NCKAP1: variants seen among roughly 807,000 people sequenced by gnomAD.
NCKAP1 encodes NCK associated protein 1.
In NCKAP1, 21 loss-of-function variants were observed where a neutral mutation model predicts 151.2. That is an observed-to-expected ratio of 0.14 (90% CI 0.10 to 0.20). The LOEUF is 0.20. Among genes scored for constraint, NCKAP1 ranks in the 10% least tolerant of loss-of-function variants. NCKAP1 has a pLI of 1.00. For synonymous variants in NCKAP1, 484 were observed against 451.8 expected (o/e 1.07, Z -0.90); for missense variants, 933 against 1,352.1 (o/e 0.69, Z 4.86).
At chr2:182,981,154 T>C in intron 13 of NCKAP1, 90 bp downstream of exon 13, 1 of 1,460,244 alleles carries the variant, frequency 6.8e-7, no homozygotes, top group South Asian at 1.3e-5. Flanking sequence ...GCACATGATA[T>C]TTCATAAATG....
rs150818463 is a variant in NCKAP1 at position 183,014,077 on chromosome 2, T to C, written c.219+9729A>G. Among the ~76,000 whole-genome samples, 543 of 152,366 alleles carry C rather than the reference T, an allele frequency of 3.6e-3. 5 individuals are homozygous for C. The East Asian group carries it at 0.04, about 11-fold the overall frequency. ...TCCTAGAACTCTTTACCTGGTATTA[T>C]ATTCTTATTTGTTCATTATTTATTT... On this transcript the variant is annotated intron_variant, in intron 2 of 30. Coordinates refer to ENST00000361354, the MANE Select transcript of NCKAP1 (RefSeq NM_013436.5).
At position 182,934,732 on chromosome 2, in the gene NCKAP1, A is replaced by G. The variant is rs911389714; in HGVS notation, c.2859+20T>C. ...TTCGCTTTAGAGACTGTAAACCCCA[A>G]CTATAAATTATATTATTACCTTCAT... On this transcript the variant is annotated intron_variant, in intron 26 of 30. Coordinates refer to ENST00000361354, the MANE Select transcript of NCKAP1 (RefSeq NM_013436.5). 2 of 1,219,304 alleles carry G rather than the reference A, an allele frequency of 1.6e-6. No homozygotes were observed. Among genetic ancestry groups the G allele is most frequent in the Admixed American group, 2.0e-5 (1 of 49,132 alleles). The allele number at this position is 1,219,304 out of a possible 1,614,324, so 75.5% of individuals were successfully genotyped here. A position where few individuals can be genotyped will look rare whatever the true frequency, so the allele number is the denominator to read the frequency against.
At chr2:182,929,993 A>AC (rs938098459) in intron 27 of NCKAP1, among the ~76,000 whole-genome samples, 8 of 152,000 alleles carry the variant, frequency 5.3e-5, no homozygotes, top group South Asian at 2.1e-4. Flanking sequence ...AAAACAGAAT[A>AC]CCCTTTCCTA....
intron 15 of NCKAP1, among the ~76,000 whole-genome samples, chr2:182,968,746 T>C (rs2105840341): frequency 6.6e-6 from 1 of 152,326 alleles, no homozygotes; most frequent in African/African-American, 2.4e-5. Flanking sequence ...AATGAAGTCT[T>C]TTGTCTTTTG....
At chr2:182,995,491 T>C (rs974720406) in intron 7 of NCKAP1, among the ~76,000 whole-genome samples, 1 of 152,194 alleles carries the variant, frequency 6.6e-6, no homozygotes, top group Admixed American at 6.5e-5. Context: ...AAAGTACTCA[T>C]ACTATTCACC....
intron 2 of NCKAP1, among the ~76,000 whole-genome samples, chr2:183,005,037 A>C (rs1698443857): frequency 6.6e-6 from 1 of 152,182 alleles, no homozygotes; most frequent in South Asian, 2.1e-4. Context: ...TATCTGTTTC[A>C]GAACGATTCC....
At position 182,935,305 on chromosome 2, in the gene NCKAP1, T is replaced by A. The variant is rs1282011633; in HGVS notation, c.2766A>T (p.Glu922Asp). Residue 922 changes from glutamate to aspartate, a missense_variant, in exon 25 of 31, where the codon GAA (glutamate) becomes GAT (aspartate). Coordinates refer to ENST00000361354, the MANE Select transcript of NCKAP1 (RefSeq NM_013436.5). ...VILSFRSLAQ[E>D]ALRDVLSYHI... is the part of the protein sequence containing the mutation. ...AATGGTTTCTTACATCTCTAAGTGC[T>A]TCTTGTGCCAATGATCGGAAGGATA... The A allele has an allele frequency of 1.2e-5, 19 of 1,588,854 alleles. No individual in the cohort carries two copies. Among genetic ancestry groups the A allele is most frequent in the Non-Finnish European group, 1.6e-5 (19 of 1,169,364 alleles).
At position 182,917,105 on chromosome 2, in the gene NCKAP1, A is replaced by C. The variant is rs1046119326; in HGVS notation, c.*8597T>G. ...GTAGCCTCTTCTTCCCCACCATCTC[A>C]TCAATTTATACGCATGATCTTATTT... is the stretch of plus-strand genomic sequence containing the variant. On this transcript the variant is annotated 3_prime_UTR_variant, in exon 31 of 31. Coordinates refer to ENST00000361354, the MANE Select transcript of NCKAP1 (RefSeq NM_013436.5). The C allele has an allele frequency of 2.6e-5, 4 of 152,208 alleles. No homozygotes were observed. The highest frequency in any genetic ancestry group is 9.6e-5 in the African/African-American group (4 of 41,452). 9.4% of individuals were successfully genotyped at this position (152,208 alleles called of 1,614,324 possible). A position where few individuals can be genotyped will look rare whatever the true frequency, so the allele number is the denominator to read the frequency against.
chr2:183,015,952 G>A (rs1376017307), intron 2 of NCKAP1, among the ~76,000 whole-genome samples: 1 of 151,910 alleles, frequency 6.6e-6, no homozygotes, highest in East Asian at 1.9e-4. Flanking sequence ...AAAACACTGG[G>A]AAAAAGGCTT....
chr2:183,010,596 T>G (rs542357800), intron 2 of NCKAP1, among the ~76,000 whole-genome samples: 1 of 152,332 alleles, frequency 6.6e-6, no homozygotes, highest in South Asian at 2.1e-4. Flanking sequence ...TTAAAATAAT[T>G]TCTATTTCAC....
chr2:183,038,151 C>T lies in NCKAP1; in HGVS notation c.-52G>A. The T allele has an allele frequency of 1.5e-6, 2 of 1,370,700 alleles. No homozygotes were observed. Among genetic ancestry groups the T allele is most frequent in the Non-Finnish European group, 1.9e-6 (2 of 1,031,702 alleles). The allele number at this position is 1,370,700 out of a possible 1,614,324, so 84.9% of individuals were successfully genotyped here. A position where few individuals can be genotyped will look rare whatever the true frequency, so the allele number is the denominator to read the frequency against. ...CGGCCGCCTCGCGCCCAGTCACGGG[C>T]CCGCGGCCTTCGCAGCAGCCTCTCT... On this transcript the variant is annotated 5_prime_UTR_variant, in exon 1 of 31. Coordinates refer to ENST00000361354, the MANE Select transcript of NCKAP1 (RefSeq NM_013436.5).
intron 1 of NCKAP1, among the ~76,000 whole-genome samples, chr2:183,034,244 A>G (rs779837031): frequency 1.2e-4 from 18 of 152,198 alleles, no homozygotes; most frequent in Non-Finnish European, 2.2e-4. Flanking sequence ...ACTTTTCCTT[A>G]GAAAATAAAT....
rs1696661083 is a variant in NCKAP1, at chr2:182,926,970, G to C, written c.3181-65C>G. 1.3e-5 allele frequency: 15 copies of C among 1,114,880 alleles called. No homozygotes were observed. The South Asian group carries it at 1.8e-4, about 14-fold the overall frequency. The allele number at this position is 1,114,880 out of a possible 1,614,324, so 69.1% of individuals were successfully genotyped here. A position where few individuals can be genotyped will look rare whatever the true frequency, so the allele number is the denominator to read the frequency against. Reference sequence around the variant, plus strand: ...AAAGGTTCATCGGTTACTTATTTTAGGTATGTTTCAACTTCCAACACATTT... The same window carrying C: ...AAAGGTTCATCGGTTACTTATTTTACGTATGTTTCAACTTCCAACACATTT... On this transcript the variant is annotated intron_variant, in intron 29 of 30. Coordinates refer to ENST00000361354, the MANE Select transcript of NCKAP1 (RefSeq NM_013436.5).
At chr2:182,978,048 G>C (rs978697213) in intron 14 of NCKAP1, among the ~76,000 whole-genome samples, 1 of 152,074 alleles carries the variant, frequency 6.6e-6, no homozygotes, top group East Asian at 1.9e-4. Context: ...TAGAATTTGA[G>C]AGATCCTACG....
At chr2:183,017,836 T>TA (rs1698722813) in intron 2 of NCKAP1, among the ~76,000 whole-genome samples, 1 of 152,124 alleles carries the variant, frequency 6.6e-6, no homozygotes, top group South Asian at 2.1e-4. Flanking sequence ...GTCAAAGAGG[T>TA]AAATGTTAAG....
intron 2 of NCKAP1, 42 bp downstream of exon 2, chr2:183,023,764 A>C: frequency 6.8e-7 from 1 of 1,468,886 alleles, no homozygotes; most frequent in Non-Finnish European, 9.5e-7. Flanking sequence ...TTTCTCTAAA[A>C]GATGCTTAAA....
At chr2:182,956,780 T>C (rs772897105) in intron 19 of NCKAP1, 187 bp from the exon 20 acceptor site, 9 of 528,836 alleles carry the variant, frequency 1.7e-5, no homozygotes, top group African/African-American at 3.9e-5. Flanking sequence ...ATTCTAAAGA[T>C]GGCGTCATTT....
intron 2 of NCKAP1, among the ~76,000 whole-genome samples, chr2:183,007,407 T>C (rs1340321952): frequency 1.3e-5 from 2 of 152,202 alleles, no homozygotes; most frequent in African/African-American, 4.8e-5. Context: ...TTAAGAAGCA[T>C]TTTCCACACA....
In NCKAP1 at chr2:182,914,123, C is replaced by T. The variant is rs954035968; in HGVS notation, c.*11579G>A. On this transcript the variant is annotated 3_prime_UTR_variant, in exon 31 of 31. Coordinates refer to ENST00000361354, the MANE Select transcript of NCKAP1 (RefSeq NM_013436.5). ...GAAGGAACTCCCTTTAGCAGTATCT[C>T]CCCTTAAATGAAGTTATAGTTAGGG... 6 of 152,140 alleles carry T rather than the reference C, an allele frequency of 3.9e-5. No homozygotes were observed. Among genetic ancestry groups the T allele is most frequent in the African/African-American group, 1.4e-4 (6 of 41,424 alleles). 9.4% of individuals were successfully genotyped at this position (152,140 alleles called of 1,614,324 possible).
Sources: gnomAD v4.1 joint callset for allele counts (sites outside exome capture counted in the v4.1 genomes callset) on GRCh38, gnomAD v4.1.1 for gene constraint, MANE v1.5 for transcripts, NCBI Gene and HGNC (gene_info 2026-07-23, HGNC 2026-07-21) for gene names.